The following MOB3B variants were observed in gnomAD, a reference collection of about 807,000 sequenced individuals.
MOB3B encodes the protein MOB kinase activator 3B.
MOB3B carries 7 observed loss-of-function variants against 18.7 expected under a neutral mutation model. That is an observed-to-expected ratio of 0.37 (90% CI 0.21 to 0.70). MOB3B has a LOEUF of 0.70. Among genes scored for constraint, MOB3B ranks in the 30% least tolerant of loss-of-function variants. The pLI, the probability that MOB3B is intolerant of heterozygous loss-of-function variation, is 0.52. For synonymous variants in MOB3B, 111 were observed against 99.9 expected (o/e 1.11, Z -0.66); for missense variants, 253 against 281.3 (o/e 0.90, Z 0.72).
At chr9:27,368,407 G>A (rs971981907) in intron 2 of MOB3B, among the ~76,000 whole-genome samples, 19 of 151,322 alleles carry the variant, frequency 1.3e-4, no homozygotes, top group Non-Finnish European at 5.9e-5. Context: ...GAGAGAGAGA[G>A]AAGCTTCGTG....
At position 27,348,219 on chromosome 9, in the gene MOB3B, A is replaced by G. The variant is rs563846627; in HGVS notation, c.621+10815T>C. ...TGGAGAGGTAGCAGACTTGTGCTGTAGGATGTAGAAAATGGGAAAAGAAAG... is the reference window on the plus strand; with the variant it reads ...TGGAGAGGTAGCAGACTTGTGCTGTGGGATGTAGAAAATGGGAAAAGAAAG... On this transcript the variant is annotated intron_variant, in intron 3 of 3. Coordinates refer to ENST00000262244, the MANE Select transcript of MOB3B (RefSeq NM_024761.5). 8.5e-5 allele frequency among the ~76,000 whole-genome samples: 13 copies of G among 152,328 alleles called. No homozygotes were observed. The South Asian group carries it at 2.7e-3, about 32-fold the overall frequency.
chr9:27,361,950 T>C (rs1821280362), intron 2 of MOB3B, among the ~76,000 whole-genome samples: 1 of 152,188 alleles, frequency 6.6e-6, no homozygotes, highest in African/African-American at 2.4e-5. Flanking sequence ...GCTGTGCCAG[T>C]TTATCTGTGT....
intron 3 of MOB3B, among the ~76,000 whole-genome samples, chr9:27,347,119 C>T (rs1821039773): frequency 6.6e-6 from 1 of 152,220 alleles, no homozygotes; most frequent in Non-Finnish European, 1.5e-5. Flanking sequence ...TAAACCTATC[C>T]TAATGGATTT....
chr9:27,505,097 T>A (rs1820040169), intron 1 of MOB3B, among the ~76,000 whole-genome samples: 1 of 152,234 alleles, frequency 6.6e-6, no homozygotes. Context: ...CAAAATTTCT[T>A]TTGGCATGTA....
At chr9:27,512,541 T>C (rs1820162644) in intron 1 of MOB3B, among the ~76,000 whole-genome samples, 1 of 152,180 alleles carries the variant, frequency 6.6e-6, no homozygotes, top group African/African-American at 2.4e-5. Context: ...AGAAAATTCA[T>C]TTCATTTATT....
rs142653349 is a variant in MOB3B, at chr9:27,448,776, T to G, written c.418+6357A>C. On this transcript the variant is annotated intron_variant, in intron 2 of 3. Transcript: ENST00000262244. ...ATTCTTAGGAAGCCAAACAGTTTAC[T>G]AGATCCCACAGGTGGATTGAATTTC... Among the ~76,000 whole-genome samples, 435 of 152,314 alleles carry G rather than the reference T, an allele frequency of 2.9e-3. 10 individuals carry two copies. The South Asian group carries it at 0.044, about 15-fold the overall frequency.
rs572488929 is a variant in MOB3B at position 27,382,779 on chromosome 9, G to C, written c.419-23543C>G. Among the ~76,000 whole-genome samples the C allele has an allele frequency of 1.6e-3, 245 of 151,822 alleles. 1 individual carries two copies. Among genetic ancestry groups the C allele is most frequent in the African/African-American group, 5.7e-3 (234 of 41,376 alleles). On this transcript the variant is annotated intron_variant, in intron 2 of 3. Coordinates refer to ENST00000262244, the MANE Select transcript of MOB3B (RefSeq NM_024761.5). The stretch of plus-strand genomic sequence containing the variant: ...TGCTATGTTATTCACTGCAGAACTG[G>C]TGCTTTTTGCAGTTCCCTGAGGGGT...
chr9:27,373,596 AC>A (rs1821451488), intron 2 of MOB3B, among the ~76,000 whole-genome samples: 1 of 152,140 alleles, frequency 6.6e-6, no homozygotes, highest in Admixed American at 6.5e-5. Flanking sequence ...AATACTACCT[AC>A]CTACAATGAA....
In MOB3B at chr9:27,447,044, G is replaced by A. The variant is rs142070107; in HGVS notation, c.418+8089C>T. The stretch of plus-strand genomic sequence containing the variant: ...GATATAACACCCAAAGGTCCTGTCT[G>A]CAGAGACCTTTGCAGATAACACACG... On this transcript the variant is annotated intron_variant, in intron 2 of 3. Transcript: ENST00000262244. Among the ~76,000 whole-genome samples the A allele has an allele frequency of 4.9e-3, 750 of 152,154 alleles. 1 individual carries two copies. The highest frequency in any genetic ancestry group is 8.8e-3 in the Admixed American group (134 of 15,282).
intron 1 of MOB3B, among the ~76,000 whole-genome samples, chr9:27,505,189 G>C (rs1304955211): frequency 6.6e-6 from 1 of 152,140 alleles, no homozygotes; most frequent in Non-Finnish European, 1.5e-5. Context: ...ACCGCATCAT[G>C]TTTTTGCAAA....
Position 27,512,638 on chromosome 9 carries a change from T to A in MOB3B, c.-199+16917A>T, listed in dbSNP as rs528391453. The stretch of plus-strand genomic sequence containing the variant: ...ATTCACCCTGTTAAACACTACTGTT[T>A]CATGGGTGTATAGTTTGTGTCGGAG... On this transcript the variant is annotated intron_variant, in intron 1 of 3. Transcript: ENST00000262244. Among the ~76,000 whole-genome samples the A allele has an allele frequency of 3.9e-5, 6 of 152,222 alleles. No homozygotes were observed. In the East Asian group the frequency reaches 1.2e-3, roughly 29 times the overall value.
At chr9:27,343,670 C>T (rs577176168) in intron 3 of MOB3B, among the ~76,000 whole-genome samples, 10 of 140,994 alleles carry the variant, frequency 7.1e-5, no homozygotes, top group East Asian at 2.0e-4. Context: ...CTCACCTGTT[C>T]GTCTTTTATT....
At chr9:27,340,541 G>C (rs553205810) in intron 3 of MOB3B, among the ~76,000 whole-genome samples, 1 of 152,140 alleles carries the variant, frequency 6.6e-6, no homozygotes, top group Non-Finnish European at 1.5e-5. Context: ...TGTGGTCACT[G>C]TATCTCTGCA....
intron 1 of MOB3B, among the ~76,000 whole-genome samples, chr9:27,470,999 CT>C (rs1203224723): frequency 1.3e-5 from 2 of 152,140 alleles, no homozygotes; most frequent in African/African-American, 4.8e-5. Context: ...AATACAACCC[CT>C]TCTCACCCTG....
intron 1 of MOB3B, chr9:27,524,978 A>C: frequency 6.5e-7 from 1 of 1,542,300 alleles, no homozygotes; most frequent in Non-Finnish European, 8.7e-7. Flanking sequence ...TTTTGGAATT[A>C]AAATTCCTTT....
chr9:27,333,415 T>C (rs1411327175), intron 3 of MOB3B, among the ~76,000 whole-genome samples: 1 of 152,102 alleles, frequency 6.6e-6, no homozygotes, highest in African/African-American at 2.4e-5. Context: ...GCTTTCTTCA[T>C]CAGAGCCCTC....
chr9:27,464,928 T>C (rs900223751), intron 1 of MOB3B, among the ~76,000 whole-genome samples: 2 of 152,264 alleles, frequency 1.3e-5, no homozygotes, highest in African/African-American at 2.4e-5. Flanking sequence ...TGCCATAGCA[T>C]GTGAGAACTC....
At chr9:27,336,906 T>C (rs888931219) in intron 3 of MOB3B, among the ~76,000 whole-genome samples, 3 of 152,174 alleles carry the variant, frequency 2.0e-5, no homozygotes, top group African/African-American at 7.2e-5. Flanking sequence ...AATGTGATAT[T>C]GCTGAAAAGA....
At chr9:27,517,545 G>A (rs1820255475) in intron 1 of MOB3B, among the ~76,000 whole-genome samples, 1 of 150,654 alleles carries the variant, frequency 6.6e-6, no homozygotes, top group Non-Finnish European at 1.5e-5. Flanking sequence ...CTACTCAGGA[G>A]GCTGAGGCAG....
Sources: gnomAD v4.1 joint callset for allele counts (sites outside exome capture counted in the v4.1 genomes callset) on GRCh38, gnomAD v4.1.1 for gene constraint, MANE v1.5 for transcripts, NCBI Gene and HGNC (gene_info 2026-07-23, HGNC 2026-07-21) for gene names.